Variants in NRG1 observed in about 807,000 individuals in gnomAD.
The protein encoded by NRG1 is pro-neuregulin-1, membrane-bound isoform.
Under a neutral mutation model 63.8 loss-of-function variants are expected in NRG1, and 18 were observed. That is an observed-to-expected ratio of 0.28 (90% CI 0.19 to 0.42). The LOEUF (loss-of-function observed/expected upper bound fraction) is 0.42. Among genes scored for constraint, NRG1 ranks in the 10% least tolerant of loss-of-function variants. The probability of loss-of-function intolerance (pLI) is 1.00; values close to 1 mark genes in which losing one functional copy is unlikely to be tolerated. For missense variants in NRG1, 762 were observed against 814.7 expected (o/e 0.94, Z 0.79); for synonymous variants, 302 against 301.3 (o/e 1.00, Z -0.02).
At chr8:32,035,648 T>C (rs1586636860) in intron 1 of NRG1, among the ~76,000 whole-genome samples, 1 of 152,326 alleles carries the variant, frequency 6.6e-6, no homozygotes, top group East Asian at 1.9e-4. Context: ...ATATTTAGGA[T>C]AGTTAACTTT....
At chr8:31,784,267 T>C (rs12544684) in intron 1 of NRG1, among the ~76,000 whole-genome samples, 23,277 of 152,176 alleles carry the variant, frequency 0.15, 1,942 homozygotes, top group Admixed American at 0.21. Flanking sequence ...TCCTATATTA[T>C]TTTTCAGAAT....
At chr8:32,148,074 T>A (rs1837095433) in intron 1 of NRG1, among the ~76,000 whole-genome samples, 1 of 152,184 alleles carries the variant, frequency 6.6e-6, no homozygotes, top group South Asian at 2.1e-4. Context: ...TGTGCAATAA[T>A]AATAATAATA....
At chr8:32,190,115 C>T (rs1224884262) in intron 1 of NRG1, among the ~76,000 whole-genome samples, 1 of 151,984 alleles carries the variant, frequency 6.6e-6, no homozygotes, top group Non-Finnish European at 1.5e-5. Flanking sequence ...TTGACTGTAT[C>T]GTCATGTTCC....
At chr8:31,767,129 G>T (rs1218224348) in intron 1 of NRG1, among the ~76,000 whole-genome samples, 2 of 152,116 alleles carry the variant, frequency 1.3e-5, no homozygotes, top group Non-Finnish European at 2.9e-5. Context: ...ACGAAGAAAA[G>T]AATGACATTC....
intron 3 of NRG1, among the ~76,000 whole-genome samples, chr8:32,606,054 A>G (rs938792426): frequency 6.6e-6 from 1 of 151,104 alleles, no homozygotes; most frequent in East Asian, 1.9e-4. Context: ...ATATATATAC[A>G]CAATATGTAT....
At chr8:32,260,967 G>C (rs1850301497) in intron 1 of NRG1, among the ~76,000 whole-genome samples, 1 of 152,136 alleles carries the variant, frequency 6.6e-6, no homozygotes, top group Admixed American at 6.6e-5. Context: ...GCCACTGGAG[G>C]ATACACCTCA....
rs1400477258 is a variant in NRG1, at chr8:31,821,894, T to C, written c.37+182463T>C. 2.6e-5 allele frequency among the ~76,000 whole-genome samples: 4 copies of C among 152,308 alleles called. No individual in the cohort carries two copies. In the South Asian group the frequency reaches 6.2e-4, roughly 24 times the overall value. Reference sequence around the variant, plus strand: ...AGTGCATCCAAGATTAGAAGCCTGGTTTATGTGTGCTATTTTGCCTCCCAG... The same window carrying C: ...AGTGCATCCAAGATTAGAAGCCTGGCTTATGTGTGCTATTTTGCCTCCCAG... On this transcript the variant is annotated intron_variant, in intron 1 of 10. Coordinates refer to the NRG1 transcript ENST00000519301.
chr8:32,230,220 G>A (rs890360189), intron 1 of NRG1, among the ~76,000 whole-genome samples: 3 of 152,176 alleles, frequency 2.0e-5, no homozygotes, highest in Non-Finnish European at 4.4e-5. Flanking sequence ...AAAGGAGAAT[G>A]TTCTCCAAAT....
chr8:31,914,990 A>G (rs980199877), intron 1 of NRG1, among the ~76,000 whole-genome samples: 2 of 152,078 alleles, frequency 1.3e-5, no homozygotes, highest in African/African-American at 4.8e-5. Flanking sequence ...TCAGTTATGT[A>G]TATACTAATA....
intron 1 of NRG1, among the ~76,000 whole-genome samples, chr8:31,992,746 T>C (rs1811306602): frequency 6.6e-6 from 1 of 152,014 alleles, no homozygotes; most frequent in Non-Finnish European, 1.5e-5. Flanking sequence ...GGACAGTATA[T>C]TTGTCATAAT....
intron 1 of NRG1, among the ~76,000 whole-genome samples, chr8:31,755,826 A>G (rs1325713709): frequency 2.0e-5 from 3 of 152,092 alleles, no homozygotes; most frequent in Non-Finnish European, 4.4e-5. Context: ...TGAGAAGCGA[A>G]TCACAATTAT....
At chr8:32,371,102 C>T (rs1188859146) in intron 1 of NRG1, among the ~76,000 whole-genome samples, 1 of 152,026 alleles carries the variant, frequency 6.6e-6, no homozygotes, top group African/African-American at 2.4e-5. Flanking sequence ...ATCCCAGCTA[C>T]TCAGGAGGCT....
intron 1 of NRG1, among the ~76,000 whole-genome samples, chr8:32,526,224 G>T (rs1830825330): frequency 6.6e-6 from 1 of 152,188 alleles, no homozygotes; most frequent in Admixed American, 6.5e-5. Context: ...CTGCTTGTAT[G>T]CTCCTGGAGT....
chr8:31,842,208 C>A (rs1258908012), intron 1 of NRG1, among the ~76,000 whole-genome samples: 1 of 152,272 alleles, frequency 6.6e-6, no homozygotes, highest in East Asian at 1.9e-4. Context: ...TTTGGTTAAC[C>A]TGGTTTTTAT....
chr8:32,148,268 T>G (rs1837118317), intron 1 of NRG1, among the ~76,000 whole-genome samples: 1 of 152,190 alleles, frequency 6.6e-6, no homozygotes, highest in South Asian at 2.1e-4. Context: ...AGGCAGGATT[T>G]GACCCCACAC....
chr8:32,036,615 G>C (rs186746046), intron 1 of NRG1, among the ~76,000 whole-genome samples: 1 of 152,262 alleles, frequency 6.6e-6, no homozygotes, highest in East Asian at 1.9e-4. Flanking sequence ...GTTCACAGAG[G>C]TTTTGTTCAT....
At chr8:31,807,946 C>CGTGTGT (rs1491467747) in intron 1 of NRG1, among the ~76,000 whole-genome samples, 4 of 69,392 alleles carry the variant, frequency 5.8e-5, no homozygotes, top group African/African-American at 7.6e-5. Context: ...CAAGAGTATT[C>CGTGTGT]GCGTGTGTGT....
At chr8:32,260,683 TAA>T (rs992349168) in intron 1 of NRG1, among the ~76,000 whole-genome samples, 2 of 152,218 alleles carry the variant, frequency 1.3e-5, no homozygotes, top group Non-Finnish European at 2.9e-5. Flanking sequence ...TGCTAAATGC[TAA>T]AGTCATGCAA....
chr8:32,354,170 A>G (rs575099002), intron 1 of NRG1, among the ~76,000 whole-genome samples: 7 of 151,892 alleles, frequency 4.6e-5, no homozygotes, highest in South Asian at 2.1e-4. Context: ...GGAGTTCGAG[A>G]CCCCCCAGGC....
Sources: gnomAD v4.1 joint callset for allele counts (sites outside exome capture counted in the v4.1 genomes callset) on GRCh38, gnomAD v4.1.1 for gene constraint, MANE v1.5 for transcripts, NCBI Gene and HGNC (gene_info 2026-07-23, HGNC 2026-07-21) for gene names.